FUT8: variants seen among roughly 807,000 people sequenced by gnomAD.
FUT8 encodes the protein fucosyltransferase 8.
FUT8 carries 29 observed loss-of-function variants against 71.3 expected under a neutral mutation model. The ratio of observed to expected loss-of-function variants is 0.41; its 90% CI spans 0.30 to 0.55. FUT8 has a LOEUF of 0.55. Ranked by LOEUF, FUT8 falls within the 20% of genes least tolerant of loss-of-function variation. FUT8 has a pLI of 0.34. For synonymous variants in FUT8, 254 were observed against 239.3 expected (o/e 1.06, Z -0.57); for missense variants, 544 against 702.1 (o/e 0.77, Z 2.55).
At chr14:65,443,213 A>G (rs1361250444) in intron 1 of FUT8, among the ~76,000 whole-genome samples, 1 of 151,596 alleles carries the variant, frequency 6.6e-6, no homozygotes, top group Non-Finnish European at 1.5e-5. Flanking sequence ...GATCAAGACC[A>G]TCCTGGCTAA....
At chr14:65,439,972 ATATATATATATATATATATG>A (rs1365648385) in intron 1 of FUT8, among the ~76,000 whole-genome samples, 1 of 135,546 alleles carries the variant, frequency 7.4e-6, no homozygotes, top group African/African-American at 2.7e-5. Flanking sequence ...ATATATATAT[ATATATATATATATATATATG>A]TACACACACA....
At chr14:65,695,294 C>T (rs573485893) in intron 7 of FUT8, among the ~76,000 whole-genome samples, 2 of 152,182 alleles carry the variant, frequency 1.3e-5, no homozygotes, top group Admixed American at 6.5e-5. Context: ...TGTATATTCT[C>T]ATTGCAATTC....
chr14:65,442,847 T>C (rs1026247264), intron 1 of FUT8, among the ~76,000 whole-genome samples: 1 of 147,932 alleles, frequency 6.8e-6, no homozygotes, highest in African/African-American at 2.5e-5. Context: ...AAATTAAGAA[T>C]ACAGTATAGA....
At position 65,652,044 on chromosome 14, in the gene FUT8, C is replaced by T. The variant is rs994753753; in HGVS notation, c.598-17199C>T. Among the ~76,000 whole-genome samples the T allele has an allele frequency of 2.6e-5, 4 of 152,152 alleles. No homozygotes were observed. Among genetic ancestry groups the T allele is most frequent in the African/African-American group, 7.2e-5 (3 of 41,428 alleles). Reference sequence around the variant, plus strand: ...GGTAGTGATTGGAGAGATGTGTCTACAAGCCAAGGAATGACAAGGATGGCT... The same window carrying T: ...GGTAGTGATTGGAGAGATGTGTCTATAAGCCAAGGAATGACAAGGATGGCT... On this transcript the variant is annotated intron_variant, in intron 6 of 10. Coordinates refer to ENST00000673929, the MANE Select transcript of FUT8 (RefSeq NM_001371533.1). The surrounding 1 kb of genome is among the most constrained non-coding windows in gnomAD (Gnocchi z 4.0).
intron 3 of FUT8, among the ~76,000 whole-genome samples, chr14:65,597,067 C>T (rs1888018813): frequency 6.6e-6 from 1 of 151,998 alleles, no homozygotes; most frequent in Admixed American, 6.6e-5. Flanking sequence ...AACATTTAGT[C>T]CTCAAAATAA....
chr14:65,685,858 A>T (rs897862544), intron 7 of FUT8, among the ~76,000 whole-genome samples: 4 of 152,218 alleles, frequency 2.6e-5, no homozygotes, highest in Admixed American at 1.3e-4. Context: ...AGTGAGGATG[A>T]CCAGAGGTCA....
At chr14:65,510,314 G>A (rs1882249824) in intron 2 of FUT8, among the ~76,000 whole-genome samples, 1 of 152,048 alleles carries the variant, frequency 6.6e-6, no homozygotes, top group African/African-American at 2.4e-5. Context: ...TTAATGTGTT[G>A]TTGAGTTCAA....
At chr14:65,722,177 A>G (rs976164444) in intron 8 of FUT8, among the ~76,000 whole-genome samples, 156 bp downstream of exon 8, 2 of 151,494 alleles carry the variant, frequency 1.3e-5, no homozygotes, top group African/African-American at 2.4e-5. Flanking sequence ...CATGGAGACT[A>G]TTTTTTTTTG....
At chr14:65,433,124 A>G (rs2065501774) in intron 1 of FUT8, among the ~76,000 whole-genome samples, 1 of 152,116 alleles carries the variant, frequency 6.6e-6, no homozygotes, top group Non-Finnish European at 1.5e-5. Flanking sequence ...CCCAACGGCT[A>G]CCTTTGGGTA....
rs1237096033 is a variant in FUT8, at chr14:65,472,315, A to G, written c.-228+16597A>G. On this transcript the variant is annotated intron_variant, in intron 2 of 10. Transcript: ENST00000673929. The surrounding 1 kb of genome is among the most constrained non-coding windows in gnomAD (Gnocchi z 4.4). ...GGGGAACAAATAGAGTGAGACCTCAAGCATGCCTGAGGAAGAGCATTAATT... is the reference window on the plus strand; with the variant it reads ...GGGGAACAAATAGAGTGAGACCTCAGGCATGCCTGAGGAAGAGCATTAATT... 6.6e-6 allele frequency among the ~76,000 whole-genome samples: 1 copy of G among 152,148 alleles called. No individual in the cohort carries two copies. Among genetic ancestry groups the G allele is most frequent in the Non-Finnish European group, 1.5e-5 (1 of 68,014 alleles).
Position 65,611,292 on chromosome 14 carries a change from CACACACACA to C in FUT8, c.204-4685_204-4677del, listed in dbSNP as rs1566851546. The stretch of plus-strand genomic sequence containing the variant: ...ACACACACACACACACACACACACA[CACACACACA>C]CCCCCCAAGTAATAGCCTTGATTTT... On this transcript the variant is annotated intron_variant, in intron 3 of 10. Coordinates refer to ENST00000673929, the MANE Select transcript of FUT8 (RefSeq NM_001371533.1). Among the ~76,000 whole-genome samples the C allele has an allele frequency of 2.4e-4, 11 of 46,170 alleles. 1 individual carries two copies. Among genetic ancestry groups the C allele is most frequent in the East Asian group, 2.0e-3 (2 of 994 alleles). The allele number at this position is 46,170 out of a possible 152,430, so 30.3% of individuals were successfully genotyped here.
intron 2 of FUT8, among the ~76,000 whole-genome samples, chr14:65,484,031 A>C (rs1040526113): frequency 3.9e-5 from 6 of 152,160 alleles, no homozygotes; most frequent in African/African-American, 1.4e-4. Context: ...CCGGCCAATA[A>C]CATACAATTT....
chr14:65,523,910 C>G (rs1384616689), intron 2 of FUT8, among the ~76,000 whole-genome samples: 1 of 152,164 alleles, frequency 6.6e-6, no homozygotes, highest in African/African-American at 2.4e-5. Flanking sequence ...TCTGAGGGCT[C>G]TGTCCTGTTC....
the FUT8 span, among the ~76,000 whole-genome samples, chr14:65,369,821 G>T: frequency 3.3e-5 from 5 of 152,130 alleles, no homozygotes; most frequent in African/African-American, 1.2e-4. The surrounding 1 kb of genome is among the most constrained non-coding windows in gnomAD (Gnocchi z 4.6). Context: ...ATCCAGAAAT[G>T]ACTATAAGTA....
chr14:65,464,365 A>G (rs1166995211), intron 2 of FUT8, among the ~76,000 whole-genome samples: 3 of 129,494 alleles, frequency 2.3e-5, no homozygotes, highest in Non-Finnish European at 4.8e-5. Flanking sequence ...TTCTTGTTTT[A>G]CTGCATTAGC....
intron 7 of FUT8, among the ~76,000 whole-genome samples, chr14:65,690,983 C>T (rs965621554): frequency 6.9e-6 from 1 of 144,934 alleles, no homozygotes; most frequent in Non-Finnish European, 1.5e-5. Context: ...GCCTCGGCCT[C>T]CCAAAGTGCT....
the FUT8 span, among the ~76,000 whole-genome samples, chr14:65,391,735 G>A: frequency 1.3e-5 from 2 of 151,890 alleles, no homozygotes; most frequent in Non-Finnish European, 2.9e-5. Flanking sequence ...TGATCCACCC[G>A]CCTCAGCCTC....
intron 7 of FUT8, among the ~76,000 whole-genome samples, chr14:65,701,325 T>C (rs1894282702): frequency 6.6e-6 from 1 of 152,204 alleles, no homozygotes; most frequent in Admixed American, 6.5e-5. Flanking sequence ...TGCTTTAATG[T>C]TTAATGGTTG....
At chr14:65,379,984 GA>G in the FUT8 span, among the ~76,000 whole-genome samples, 1 of 152,188 alleles carries the variant, frequency 6.6e-6, no homozygotes, top group East Asian at 1.9e-4. Context: ...CCTCGTGACT[GA>G]ATCACTTCCC....
Sources: gnomAD v4.1 joint callset for allele counts (sites outside exome capture counted in the v4.1 genomes callset) on GRCh38, gnomAD v4.1.1 for gene constraint, Gnocchi (gnomAD v3.1) non-coding constraint, MANE v1.5 for transcripts, NCBI Gene and HGNC (gene_info 2026-07-23, HGNC 2026-07-21) for gene names.